Variants in FRYL observed in about 807,000 individuals in gnomAD.
The protein encoded by FRYL is protein furry homolog-like.
A neutral mutation model predicts 351.2 loss-of-function variants in FRYL; 150 were observed. That is an observed-to-expected ratio of 0.43 (90% confidence interval 0.37 to 0.49). The LOEUF is 0.49. FRYL is among the 20% of genes least tolerant of loss of function. FRYL has a pLI of 0.00. For missense variants in FRYL, 3,036 were observed against 3,619.3 expected, an observed-to-expected ratio of 0.84 and a Z score of 4.13; for synonymous variants, 1,153 against 1,257.1, an observed-to-expected ratio of 0.92 and a Z score of 1.75.
At chr4:48,742,693 T>C (rs1184378316) in intron 1 of FRYL, among the ~76,000 whole-genome samples, 1 of 152,172 alleles carries the variant, frequency 6.6e-6, no homozygotes, top group Non-Finnish European at 1.5e-5. Context: ...GTACCATCAC[T>C]AGCCCCCAAA....
rs571648621 is a variant in FRYL at position 48,528,052 on chromosome 4, G to GAA, written c.7066-9_7066-8dup. The GAA allele has an allele frequency of 4.9e-5, 64 of 1,296,028 alleles. No individual in the cohort carries two copies. The highest frequency in any genetic ancestry group is 1.2e-4 in the South Asian group (8 of 64,464). 80.3% of individuals were successfully genotyped at this position (1,296,028 alleles called of 1,614,324 possible). On this transcript the variant is annotated splice_polypyrimidine_tract_variant and splice_region_variant and intron_variant, in intron 51 of 63. Transcript: ENST00000358350. ...GCTTTTCTCTTGTTCTTCGCTAAAG[G>GAA]AAAAAAAAAAATTAAAATGTTAGGA... is the stretch of plus-strand genomic sequence containing the variant.
At chr4:48,738,444 A>AT (rs1441658643) in intron 1 of FRYL, among the ~76,000 whole-genome samples, 1 of 152,208 alleles carries the variant, frequency 6.6e-6, no homozygotes, top group Non-Finnish European at 1.5e-5. Flanking sequence ...AAGCAATCAA[A>AT]TAACTAAATA....
intron 2 of FRYL, among the ~76,000 whole-genome samples, chr4:48,689,273 A>G (rs1367068125): frequency 1.3e-5 from 2 of 152,236 alleles, no homozygotes; most frequent in African/African-American, 4.8e-5. Context: ...GTTTTCTGTA[A>G]CAGTTTCATT....
chr4:48,542,202 A>C (rs964626764), intron 44 of FRYL, 81 bp from the exon 45 acceptor site: 1 of 948,094 alleles, frequency 1.1e-6, no homozygotes, highest in Non-Finnish European at 1.7e-6. Context: ...GGATTTTAAA[A>C]TAGAACAAAC....
chr4:48,726,750 T>A (rs1317289653), intron 1 of FRYL, among the ~76,000 whole-genome samples: 2 of 152,172 alleles, frequency 1.3e-5, no homozygotes, highest in Non-Finnish European at 2.9e-5. Context: ...TGAACCTCTC[T>A]CTTCTGCTGT....
chr4:48,499,789 T>C, intron 63 of FRYL, 109 bp from the exon 64 acceptor site: 1 of 1,070,450 alleles, frequency 9.3e-7, no homozygotes, highest in South Asian at 1.5e-5. Context: ...AATAACATGA[T>C]CTGTTTTAAT....
intron 37 of FRYL, 30 bp from the exon 38 acceptor site, chr4:48,550,734 A>C: frequency 7.3e-7 from 1 of 1,378,486 alleles, no homozygotes; most frequent in Non-Finnish European, 1.0e-6. Context: ...AGTTAGTCAC[A>C]GTTCACGGTG....
At chr4:48,749,777 A>C (rs1246821020) in intron 1 of FRYL, among the ~76,000 whole-genome samples, 1 of 152,104 alleles carries the variant, frequency 6.6e-6, no homozygotes, top group East Asian at 1.9e-4. Flanking sequence ...ATATCCTCCC[A>C]AGTGAATCTG....
At chr4:48,616,107 T>C (rs1289740695) in intron 7 of FRYL, among the ~76,000 whole-genome samples, 1 of 151,782 alleles carries the variant, frequency 6.6e-6, no homozygotes, top group South Asian at 2.1e-4. Context: ...TTAGGAGAAA[T>C]ACCTAATGTA....
At chr4:48,647,144 A>G (rs1370289099) in intron 3 of FRYL, among the ~76,000 whole-genome samples, 1 of 152,122 alleles carries the variant, frequency 6.6e-6, no homozygotes, top group African/African-American at 2.4e-5. Context: ...AAGAATGGGT[A>G]GCCGAGATAC....
At chr4:48,531,778 CT>C (rs908269880) in intron 49 of FRYL, among the ~76,000 whole-genome samples, 6 of 152,058 alleles carry the variant, frequency 3.9e-5, no homozygotes, top group African/African-American at 7.2e-5. Context: ...TAACGAATAC[CT>C]TCCTTTTTAG....
At chr4:48,620,086 C>T (rs928086045) in intron 6 of FRYL, among the ~76,000 whole-genome samples, 1 of 152,144 alleles carries the variant, frequency 6.6e-6, no homozygotes, top group Non-Finnish European at 1.5e-5. Flanking sequence ...TGAAAAATCA[C>T]AAGTGGCATC....
intron 7 of FRYL, among the ~76,000 whole-genome samples, chr4:48,614,268 G>C (rs573098766): frequency 1.2e-4 from 18 of 152,046 alleles, no homozygotes; most frequent in African/African-American, 3.9e-4. Context: ...TTCCAAAGAA[G>C]AAAGAGAAAA....
At chr4:48,576,710 T>TAC (rs1739691496) in intron 23 of FRYL, among the ~76,000 whole-genome samples, 1 of 152,208 alleles carries the variant, frequency 6.6e-6, no homozygotes, top group Non-Finnish European at 1.5e-5. Flanking sequence ...TAAAATATGT[T>TAC]ACCAGATCAT....
intron 3 of FRYL, among the ~76,000 whole-genome samples, chr4:48,663,027 CA>C (rs1328820363): frequency 3.3e-5 from 5 of 151,998 alleles, no homozygotes; most frequent in Admixed American, 3.3e-4. Flanking sequence ...TGAATCTATA[CA>C]AATGAATGAA....
intron 4 of FRYL, among the ~76,000 whole-genome samples, chr4:48,627,990 C>T (rs1311853139): frequency 2.0e-5 from 3 of 152,074 alleles, no homozygotes; most frequent in African/African-American, 4.8e-5. Flanking sequence ...AGGCTGGTCT[C>T]GAATGCCTGA....
intron 35 of FRYL, among the ~76,000 whole-genome samples, chr4:48,556,273 A>G (rs1734106783): frequency 6.6e-6 from 1 of 152,210 alleles, no homozygotes; most frequent in South Asian, 2.1e-4. Context: ...CACGGGATAG[A>G]TATCTATATC....
chr4:48,572,117 T>C, intron 26 of FRYL: 1 of 388,320 alleles, frequency 2.6e-6, no homozygotes, highest in Non-Finnish European at 3.5e-6. Context: ...TATCACCATC[T>C]CCCTCTCCTG....
intron 1 of FRYL, among the ~76,000 whole-genome samples, chr4:48,754,647 A>C (rs1773584095): frequency 7.2e-6 from 1 of 138,234 alleles, no homozygotes; most frequent in Admixed American, 7.7e-5. Flanking sequence ...CACACTTGTG[A>C]TTTTCTGGGG....
Sources: allele counts gnomAD v4.1 joint callset (sites outside exome capture counted in the v4.1 genomes callset), GRCh38; gene constraint gnomAD v4.1.1; transcripts MANE v1.5; gene names NCBI Gene and HGNC (gene_info 2026-07-23, HGNC 2026-07-21).